The following NCOA3 variants were observed in gnomAD, a reference collection of about 807,000 sequenced individuals.
The protein encoded by NCOA3 is CBP-interacting protein.
NCOA3 carries 51 observed loss-of-function variants against 158.8 expected under a neutral mutation model. The ratio of observed to expected loss-of-function variants is 0.32; its 90% CI spans 0.26 to 0.41. NCOA3 has a LOEUF of 0.41. Among genes scored for constraint, NCOA3 ranks in the 10% least tolerant of loss-of-function variants. The pLI is 1.00. For synonymous variants in NCOA3, 537 were observed against 592.4 expected (o/e 0.91, Z 1.36); for missense variants, 1,510 against 1,746.6 (o/e 0.86, Z 2.41).
At chr20:47,571,448 G>A (rs1419680243) in intron 1 of NCOA3, among the ~76,000 whole-genome samples, 1 of 151,678 alleles carries the variant, frequency 6.6e-6, no homozygotes, top group African/African-American at 2.4e-5. Context: ...CTCCAGAGTA[G>A]CTGGGACTAC....
chr20:47,622,804 A>T (rs561577418), intron 3 of NCOA3, among the ~76,000 whole-genome samples: 1 of 152,358 alleles, frequency 6.6e-6, no homozygotes, highest in Admixed American at 6.5e-5. Flanking sequence ...TAGATCTCAC[A>T]AAGTACATTC....
chr20:47,639,473 C>A, intron 14 of NCOA3, 104 bp from the exon 15 acceptor site: 1 of 1,423,826 alleles, frequency 7.0e-7, no homozygotes, highest in Non-Finnish European at 9.6e-7. Context: ...TGACAAAGTG[C>A]TGTTTTGTCA....
intron 1 of NCOA3, among the ~76,000 whole-genome samples, chr20:47,579,523 A>G (rs2085420291): frequency 6.6e-6 from 1 of 152,246 alleles, no homozygotes; most frequent in Admixed American, 6.5e-5. Context: ...CCTTTGCAGA[A>G]TCTTTTTTCC....
intron 1 of NCOA3, among the ~76,000 whole-genome samples, chr20:47,558,059 CTTTT>C (rs111574647): frequency 3.0e-5 from 4 of 135,130 alleles, no homozygotes; most frequent in African/African-American, 1.1e-4. Context: ...AAATTTCTTT[CTTTT>C]TTTTTTTTTT....
At chr20:47,597,901 A>C (rs1186359877) in intron 2 of NCOA3, among the ~76,000 whole-genome samples, 3 of 152,016 alleles carry the variant, frequency 2.0e-5, no homozygotes, top group Non-Finnish European at 4.4e-5. Context: ...TATTAATCAT[A>C]GTTAAGATTC....
intron 1 of NCOA3, among the ~76,000 whole-genome samples, chr20:47,521,531 C>T (rs1296261718): frequency 6.6e-6 from 1 of 151,954 alleles, no homozygotes; most frequent in African/African-American, 2.4e-5. Context: ...AAGCTAATTC[C>T]GATTGGCTAA....
intron 2 of NCOA3, among the ~76,000 whole-genome samples, chr20:47,619,800 A>C (rs189984900): frequency 4.6e-5 from 7 of 152,014 alleles, no homozygotes; most frequent in South Asian, 2.1e-4. Flanking sequence ...TATTCTTTTT[A>C]TTTTTATTTT....
chr20:47,572,535 C>T (rs531304629), intron 1 of NCOA3, among the ~76,000 whole-genome samples: 25 of 151,794 alleles, frequency 1.6e-4, no homozygotes, highest in Non-Finnish European at 3.1e-4. Flanking sequence ...TCTAGCCCCC[C>T]CCACCTGCCT....
chr20:47,611,138 C>T (rs564104554), intron 2 of NCOA3, among the ~76,000 whole-genome samples: 2 of 152,188 alleles, frequency 1.3e-5, no homozygotes, highest in South Asian at 2.1e-4. Flanking sequence ...GTCTTTTCCT[C>T]TGTGAGGTAG....
intron 1 of NCOA3, among the ~76,000 whole-genome samples, chr20:47,574,377 A>G (rs2085340718): frequency 6.6e-6 from 1 of 152,196 alleles, no homozygotes; most frequent in Non-Finnish European, 1.5e-5. Flanking sequence ...AAAGAACCTC[A>G]GAGTACAACA....
In NCOA3 at chr20:47,623,949, A is replaced by C; in HGVS notation, c.122A>C (p.Glu41Ala). ...CSGEKRRREQ[E>A]SKYIEELAEL... Reference sequence around the variant, plus strand: ...GGTGAAAAACGGAGACGGGAGCAGGAAAGTAAATATATTGAAGAATTGGCT... The same window carrying C: ...GGTGAAAAACGGAGACGGGAGCAGGCAAGTAAATATATTGAAGAATTGGCT... The change falls in exon 4 of 23, where the codon GAA becomes GCA. Residue 41 changes from glutamate to alanine, a missense_variant. Glu to Ala is a moderately radical substitution (Grantham distance 107, BLOSUM62 -1). Coordinates refer to ENST00000371998, the MANE Select transcript of NCOA3 (RefSeq NM_181659.3). 1 of 1,613,640 alleles carries C rather than the reference A, an allele frequency of 6.2e-7. No homozygotes were observed. Among genetic ancestry groups the C allele is most frequent in the Non-Finnish European group, 8.5e-7 (1 of 1,179,908 alleles).
intron 1 of NCOA3, among the ~76,000 whole-genome samples, chr20:47,525,391 C>G (rs1299275659): frequency 1.3e-5 from 2 of 150,556 alleles, no homozygotes. Context: ...CCTTTCCCCC[C>G]TTTCTATTCC....
At chr20:47,573,718 A>G (rs2085330778) in intron 1 of NCOA3, among the ~76,000 whole-genome samples, 1 of 152,150 alleles carries the variant, frequency 6.6e-6, no homozygotes, top group African/African-American at 2.4e-5. Context: ...AGTATGAAAA[A>G]CTAATTTAAT....
At chr20:47,634,468 AC>A (rs2086476470) in intron 10 of NCOA3, among the ~76,000 whole-genome samples, 1 of 152,228 alleles carries the variant, frequency 6.6e-6, no homozygotes, top group Non-Finnish European at 1.5e-5. Flanking sequence ...TACATGTCTT[AC>A]CACTCATTTC....
chr20:47,615,163 TGGAG>T (rs1054027716), intron 2 of NCOA3, among the ~76,000 whole-genome samples: 5 of 152,256 alleles, frequency 3.3e-5, no homozygotes, highest in African/African-American at 1.2e-4. Flanking sequence ...ATACATACTC[TGGAG>T]GGTCATGGTA....
intron 2 of NCOA3, among the ~76,000 whole-genome samples, chr20:47,598,246 C>CAAAA (rs71183268): frequency 5.9e-4 from 50 of 84,460 alleles, no homozygotes; most frequent in Non-Finnish European, 8.8e-4. Flanking sequence ...GACTCTGTCT[C>CAAAA]AAAAAAAAAA....
chr20:47,636,547 G>A lies in NCOA3; in HGVS notation c.2161G>A (p.Val721Ile), dbSNP rs202242711. ...SSITSCGDGNVVKQEQLSPKK... is the reference protein window; with the variant it reads ...SSITSCGDGNIVKQEQLSPKK... ...TATAACTTCTTGTGGGGACGGAAAT[G>A]TTGTCAAGCAGGAGCAGCTAAGTCC... is the stretch of plus-strand genomic sequence containing the variant. The change falls in exon 12 of 23, where the codon GTT becomes ATT. Residue 721 changes from valine (V) to isoleucine (I), a missense_variant. By Grantham distance (29) the Val-to-Ile change is conservative (BLOSUM62 3). Coordinates refer to ENST00000371998, the MANE Select transcript of NCOA3 (RefSeq NM_181659.3). 1.7e-4 allele frequency: 274 copies of A among 1,614,194 alleles called. 4 individuals carry two copies. The Middle Eastern group carries it at 2.1e-3, about 13-fold the overall frequency.
chr20:47,551,935 T>C (rs2084932964), intron 1 of NCOA3, among the ~76,000 whole-genome samples: 1 of 152,214 alleles, frequency 6.6e-6, no homozygotes, highest in Admixed American at 6.5e-5. Context: ...TTAATTTTAC[T>C]GTTGTTTTTT....
At chr20:47,643,739 A>G (rs1473938535) in intron 17 of NCOA3, among the ~76,000 whole-genome samples, 2 of 151,998 alleles carry the variant, frequency 1.3e-5, no homozygotes, top group Non-Finnish European at 2.9e-5. Context: ...TTTGGGTTCT[A>G]TGTGTCTGAA....
Sources: gnomAD v4.1 joint callset for allele counts (sites outside exome capture counted in the v4.1 genomes callset) on GRCh38, gnomAD v4.1.1 for gene constraint, MANE v1.5 for transcripts, NCBI Gene and HGNC (gene_info 2026-07-23, HGNC 2026-07-21) for gene names.